MIB2: variants seen among roughly 807,000 people sequenced by gnomAD.
MIB2 encodes the protein E3 ubiquitin-protein ligase MIB2.
A neutral mutation model predicts 96.6 loss-of-function variants in MIB2; 78 were observed. The ratio of observed to expected loss-of-function variants is 0.81; its 90% CI spans 0.67 to 0.97. The LOEUF (loss-of-function observed/expected upper bound fraction) is 0.97, where lower values mean the gene tolerates loss of function less well. MIB2 is among the 50% of genes least tolerant of loss of function. The pLI is 0.00. For synonymous variants in MIB2, 820 were observed against 629.5 expected (o/e 1.30, Z -4.53); for missense variants, 1,543 against 1,424.0 (o/e 1.08, Z -1.35).
At chr1:1,623,076 C>T in intron 2 of MIB2, 1 of 427,998 alleles carries the variant, frequency 2.3e-6, no homozygotes, top group Non-Finnish European at 4.2e-6. Context: ...TTAGTGAAGT[C>T]CAGTGTCCAG....
At chr1:1,628,765 G>C (rs151209396) in intron 16 of MIB2, 43 bp downstream of exon 16, 35 of 1,415,316 alleles carry the variant, frequency 2.5e-5, no homozygotes, top group Admixed American at 2.2e-4. Flanking sequence ...CTGCGGTGGC[G>C]CCGGCAGCAG....
Position 1,623,802 on chromosome 1 carries a change from C to T in MIB2, c.276C>T (p.Asp92=). The change falls in exon 4 of 20, where the codon GAC becomes GAT. Residue 92 remains aspartate, a synonymous_variant. Transcript: ENST00000355826. Reference sequence around the variant, plus strand: ...TCCGGCACCCCAACATCATCTGTGACTGCTGCAAGAAGCACGGGCTGCGGG... The same window carrying T: ...TCCGGCACCCCAACATCATCTGTGATTGCTGCAAGAAGCACGGGCTGCGGG... ...IGVRHPNIIC[D]CCKKHGLRGM... 2.5e-6 allele frequency: 4 copies of T among 1,608,624 alleles called. No individual in the cohort carries two copies. Among genetic ancestry groups the T allele is most frequent in the South Asian group, 1.1e-5 (1 of 90,262 alleles).
chr1:1,629,144 G>C lies in MIB2; in HGVS notation c.2214G>C (p.Ser738=), dbSNP rs1400459830. ...PLQLLSRLQA[S]GLPGSAELTV... is the part of the protein sequence containing the mutation. ...GTCCTGCCGCCCAGCTACAGGCCTC[G>C]GGCCTCCCCGGCAGCGCGGAGCTGA... Residue 738 remains serine (S), a synonymous_variant, in exon 17 of 20, where the codon TCG becomes TCC. Transcript: ENST00000355826. 6 of 1,494,514 alleles carry C rather than the reference G, an allele frequency of 4.0e-6. No homozygotes were observed. Among genetic ancestry groups the C allele is most frequent in the African/African-American group, 1.5e-5 (1 of 68,406 alleles). 92.6% of individuals were successfully genotyped at this position (1,494,514 alleles called of 1,614,324 possible). A position where few individuals can be genotyped will look rare whatever the true frequency, so the allele number is the denominator to read the frequency against.
chr1:1,620,679 C>T (rs1386645957), intron 2 of MIB2, among the ~76,000 whole-genome samples: 2 of 152,080 alleles, frequency 1.3e-5, no homozygotes, highest in Non-Finnish European at 2.9e-5. Context: ...GTAGAGGAGG[C>T]TGGAGTGGGG....
rs369949566 is a variant in MIB2, at chr1:1,627,435, C to T, written c.1514C>T (p.Ala505Val). 1 of 1,611,270 alleles carries T rather than the reference C, an allele frequency of 6.2e-7. No individual in the cohort carries two copies. Among genetic ancestry groups the T allele is most frequent in the Non-Finnish European group, 8.5e-7 (1 of 1,179,292 alleles). The change falls in exon 12 of 20, where the codon GCG (alanine) becomes GTG (valine). Residue 505 changes from alanine to valine, a missense_variant. Coordinates refer to ENST00000355826, the MANE Select transcript of MIB2 (RefSeq NM_001170687.4). ...GAGGGCAACACGGCACTGCACTACG[C>T]GGCCCTGGGGTGAGGCCTGGGAGGG... ...DDEGNTALHYAALGNQPEATR... is the reference protein window; with the variant it reads ...DDEGNTALHYVALGNQPEATR...
In MIB2 at chr1:1,629,246, C is replaced by T; in HGVS notation, c.2316C>T (p.Ser772=). The change falls in exon 17 of 20, where the codon AGC becomes AGT. Residue 772 remains serine, a synonymous_variant. Transcript: ENST00000355826. ...GCTACACCAACCACCGCGGTCGGAG[C>T]CCGCTGGACCTGGCCGCCGAGGGTC... ...DVSYTNHRGR[S]PLDLAAEGRV... 6.5e-7 allele frequency: 1 copy of T among 1,544,336 alleles called. No individual in the cohort carries two copies. The highest frequency in any genetic ancestry group is 2.6e-5 in the East Asian group (1 of 38,902).
chr1:1,620,176 A>T lies in MIB2; in HGVS notation c.-22-3255A>T, dbSNP rs577555343. On this transcript the variant is annotated intron_variant, in intron 2 of 19. Transcript: ENST00000355826. Reference sequence around the variant, plus strand: ...TGTCTTTTTGGAAAGGTCCAATGGCATATGGCCAGCGGGTCGGGCAGGTGT... The same window carrying T: ...TGTCTTTTTGGAAAGGTCCAATGGCTTATGGCCAGCGGGTCGGGCAGGTGT... Among the ~76,000 whole-genome samples, 5 of 152,376 alleles carry T rather than the reference A, an allele frequency of 3.3e-5. No homozygotes were observed. The South Asian group carries it at 1.0e-3, about 32-fold the overall frequency.
Position 1,623,413 on chromosome 1 carries a change from G to T in MIB2, c.-22-18G>T, listed in dbSNP as rs866809129. The T allele has an allele frequency of 6.2e-7, 1 of 1,600,622 alleles. No homozygotes were observed. Among genetic ancestry groups the T allele is most frequent in the Non-Finnish European group, 8.5e-7 (1 of 1,175,214 alleles). The stretch of plus-strand genomic sequence containing the variant: ...GGTCCCGAGCAGCCCGGCCCACCAT[G>T]GACCCCTCTGCCCACAGGTCCCGAG... On this transcript the variant is annotated intron_variant, in intron 2 of 19. Transcript: ENST00000355826.
In MIB2 at chr1:1,620,677, G is replaced by T. The variant is rs1644181323; in HGVS notation, c.-22-2754G>T. Reference sequence around the variant, plus strand: ...GTGGCGAAGGTCCCTGTGTAGAGGAGGCTGGAGTGGGGGAGCTCAGCCCAG... The same window carrying T: ...GTGGCGAAGGTCCCTGTGTAGAGGATGCTGGAGTGGGGGAGCTCAGCCCAG... On this transcript the variant is annotated intron_variant, in intron 2 of 19. Coordinates refer to ENST00000355826, the MANE Select transcript of MIB2 (RefSeq NM_001170687.4). Among the ~76,000 whole-genome samples the T allele has an allele frequency of 2.6e-5, 4 of 152,188 alleles. No homozygotes were observed. The South Asian group carries it at 8.3e-4, about 32-fold the overall frequency.
intron 14 of MIB2, 46 bp downstream of exon 14, chr1:1,628,225 C>CT: frequency 6.2e-7 from 1 of 1,612,300 alleles, no homozygotes; most frequent in Non-Finnish European, 8.5e-7. Context: ...TCTTGCTGTG[C>CT]TGCCTGGGGG....
rs1415281048 is a variant in MIB2, at chr1:1,628,355, G to A, written c.1924G>A (p.Ala642Thr). The A allele has an allele frequency of 1.9e-6, 3 of 1,612,632 alleles. No homozygotes were observed. In the African/African-American group the frequency reaches 4.0e-5, roughly 22 times the overall value. The change falls in exon 15 of 20, where the codon GCC becomes ACC. Residue 642 changes from alanine to threonine, a missense_variant. Ala to Thr is a moderately conservative substitution (Grantham distance 58). Transcript: ENST00000355826. ...EDGFTALHLA[A>T]LNNHREVAQI... ...CGGCTTCACGGCGCTGCATCTGGCT[G>A]CCCTCAACAACCACCGCGAGGTGGC...
chr1:1,619,297 C>T (rs1304748294), intron 2 of MIB2: 2 of 152,298 alleles, frequency 1.3e-5, no homozygotes, highest in African/African-American at 4.8e-5. Context: ...ATGGCGTGAA[C>T]TTGGGAGGCG....
At position 1,626,575 on chromosome 1, in the gene MIB2, G is replaced by C. The variant is rs1394891450; in HGVS notation, c.973-75G>C. On this transcript the variant is annotated intron_variant, in intron 8 of 19. Transcript: ENST00000355826. The surrounding 1 kb of genome is among the most constrained non-coding windows in gnomAD (Gnocchi z 5.3). ...CTGCCTGTCTCGTGGAGCTCAGCAG[G>C]TTGCCCTCCTGTTGCATGAGCCTGG... The C allele has an allele frequency of 3.1e-6, 4 of 1,271,664 alleles. No homozygotes were observed. The East Asian group carries it at 7.6e-5, about 24-fold the overall frequency. 78.8% of individuals were successfully genotyped at this position (1,271,664 alleles called of 1,614,324 possible).
rs1644768875 is a variant in MIB2 at position 1,626,422 on chromosome 1, C to T, written c.973-228C>T. ...CCTGCCCAGAGCTGGCTTCTGTCTG[C>T]CTGGACACTCCTCCCATGGCTCTGG... On this transcript the variant is annotated intron_variant, in intron 8 of 19. Coordinates refer to ENST00000355826, the MANE Select transcript of MIB2 (RefSeq NM_001170687.4). This position sits in a 1 kb window ranked among gnomAD's most constrained non-coding sequence, Gnocchi z 5.3. 2 of 537,078 alleles carry T rather than the reference C, an allele frequency of 3.7e-6. No individual in the cohort carries two copies. Among genetic ancestry groups the T allele is most frequent in the Non-Finnish European group, 6.5e-6 (2 of 306,302 alleles). The allele number at this position is 537,078 out of a possible 1,614,324, so 33.3% of individuals were successfully genotyped here.
chr1:1,624,013 T>C lies in MIB2; in HGVS notation c.419+68T>C, dbSNP rs184796749. On this transcript the variant is annotated intron_variant, in intron 4 of 19. Coordinates refer to ENST00000355826, the MANE Select transcript of MIB2 (RefSeq NM_001170687.4). ...GGCCTTGCCACTGGGGCCTTGGCCT[T>C]CGGGGAGGGTGCTGCCTCCTGACCG... The C allele has an allele frequency of 2.2e-3, 3,315 of 1,513,542 alleles. 63 individuals carry two copies. In the African/African-American group the frequency reaches 0.04, roughly 18 times the overall value. The allele number at this position is 1,513,542 out of a possible 1,614,324, so 93.8% of individuals were successfully genotyped here. A position where few individuals can be genotyped will look rare whatever the true frequency, so the allele number is the denominator to read the frequency against.
chr1:1,619,766 C>G (rs958757835), intron 2 of MIB2, among the ~76,000 whole-genome samples: 2 of 152,190 alleles, frequency 1.3e-5, no homozygotes, highest in African/African-American at 2.4e-5. Context: ...GGGCTGGTTC[C>G]AGGCACAAGA....
chr1:1,621,681 C>T (rs1198671475), intron 2 of MIB2, among the ~76,000 whole-genome samples: 3 of 152,242 alleles, frequency 2.0e-5, no homozygotes, highest in African/African-American at 7.2e-5. Context: ...CCTGTGGAAG[C>T]TCTCGCGGTC....
intron 2 of MIB2, among the ~76,000 whole-genome samples, chr1:1,622,759 C>T (rs1403073575): frequency 6.6e-6 from 1 of 152,228 alleles, no homozygotes; most frequent in Non-Finnish European, 1.5e-5. Flanking sequence ...CCAGAGAAGG[C>T]TCTGTGGTGC....
Position 1,626,897 on chromosome 1 carries a change from G to A in MIB2, c.1138G>A (p.Val380Ile). 1.2e-6 allele frequency: 2 copies of A among 1,607,588 alleles called. No homozygotes were observed. The highest frequency in any genetic ancestry group is 1.7e-6 in the Non-Finnish European group (2 of 1,179,516). The change falls in exon 10 of 20, where the codon GTC (valine) becomes ATC (isoleucine). Residue 380 changes from valine (V) to isoleucine (I), a missense_variant. Val to Ile is a conservative substitution (Grantham distance 29). Transcript: ENST00000355826. This position sits in a 1 kb window ranked among gnomAD's most constrained non-coding sequence, Gnocchi z 5.3. ...VFGDGNLRVA[V>I]AGQRWTFSPS... ...TGGAGACGGGAACCTGCGTGTAGCA[G>A]TCGCTGGTCAGCGGTGGACCTTCAG... is the stretch of plus-strand genomic sequence containing the variant.
Sources: allele counts gnomAD v4.1 joint callset (sites outside exome capture counted in the v4.1 genomes callset), GRCh38; gene constraint gnomAD v4.1.1; non-coding constraint Gnocchi (gnomAD v3.1); transcripts MANE v1.5; gene names NCBI Gene and HGNC (gene_info 2026-07-23, HGNC 2026-07-21).